The following TAMM41 variants were observed in gnomAD, a reference collection of about 807,000 sequenced individuals.
The protein encoded by TAMM41 is TAM41 mitochondrial translocator assembly and maintenance homolog, also known as phosphatidate cytidylyltransferase, mitochondrial.
In TAMM41, 36 loss-of-function variants were observed where a neutral mutation model predicts 44.1. The ratio of observed to expected loss-of-function variants is 0.82; its 90% CI spans 0.63 to 1.08. The LOEUF is 1.08. Ranked by LOEUF, TAMM41 falls within the 50% of genes least tolerant of loss-of-function variation. The pLI, the probability that TAMM41 is intolerant of heterozygous loss-of-function variation, is 0.00. For missense variants in TAMM41, 417 were observed against 404.3 expected (o/e 1.03, Z -0.27); for synonymous variants, 164 against 153.1 (o/e 1.07, Z -0.53).
intron 5 of TAMM41, chr3:11,810,093 C>A (rs1245668112): frequency 5.9e-6 from 1 of 169,248 alleles, no homozygotes; most frequent in Non-Finnish European, 1.2e-5. Flanking sequence ...ACTGGCGTGC[C>A]CTGATCACAT....
At chr3:11,776,811 A>G in the TAMM41 span, among the ~76,000 whole-genome samples, 1 of 152,218 alleles carries the variant, frequency 6.6e-6, no homozygotes, top group Admixed American at 6.5e-5. Context: ...TGCAAACATT[A>G]TTTCACCATA....
chr3:11,846,532 G>A lies in TAMM41; in HGVS notation c.105C>T (p.Tyr35=). ...GGTCTGAACTCGGCCCTGCCTGGCG[G>A]TACACCCCGGAGCCGTAGACGAAAG... ...SLAFVYGSGV[Y]RQAGPSSDQK... The change falls in exon 1 of 8, where the codon TAC becomes TAT. Residue 35 remains tyrosine (Y), a synonymous_variant. Coordinates refer to ENST00000455809, the MANE Select transcript of TAMM41 (RefSeq NM_001284401.2). 1 of 1,614,190 alleles carries A rather than the reference G, an allele frequency of 6.2e-7. No individual in the cohort carries two copies. The highest frequency in any genetic ancestry group is 8.5e-7 in the Non-Finnish European group (1 of 1,180,036).
chr3:11,786,012 G>A (rs548286344), downstream of TAMM41, among the ~76,000 whole-genome samples: 16 of 152,158 alleles, frequency 1.1e-4, no homozygotes, highest in East Asian at 3.1e-3. Context: ...ATCTAATGCT[G>A]TGTACAAGTC....
the TAMM41 span, among the ~76,000 whole-genome samples, chr3:11,785,215 G>A: frequency 6.6e-6 from 1 of 152,156 alleles, no homozygotes; most frequent in Admixed American, 6.5e-5. Flanking sequence ...AGGTTTTGCT[G>A]ATTGGAGACC....
the TAMM41 span, among the ~76,000 whole-genome samples, chr3:11,735,996 G>C: frequency 1.3e-5 from 2 of 152,150 alleles, no homozygotes; most frequent in Non-Finnish European, 2.9e-5. Flanking sequence ...TCATGCAGTA[G>C]CCAAAGCAAA....
intron 7 of TAMM41, among the ~76,000 whole-genome samples, chr3:11,793,687 A>G (rs4684812): frequency 0.58 from 88,032 of 152,090 alleles, 26,660 homozygotes; most frequent in East Asian, 0.77. Context: ...AACACGATGA[A>G]TCTCCCTATG....
At position 11,806,933 on chromosome 3, in the gene TAMM41, T is replaced by A. The variant is rs1253317458; in HGVS notation, c.937+900A>T. On this transcript the variant is annotated intron_variant, in intron 7 of 7. Transcript: ENST00000455809. ...TAGAAGTAAAAGATAAATGCAGCAA[T>A]GATCTCAAAATTTTAAAGGAAAGTG... 4.3e-4 allele frequency among the ~76,000 whole-genome samples: 65 copies of A among 152,312 alleles called. No individual in the cohort carries two copies. The East Asian group carries it at 0.012, about 28-fold the overall frequency.
the TAMM41 span, among the ~76,000 whole-genome samples, chr3:11,728,338 T>C: frequency 1.3e-5 from 2 of 152,182 alleles, no homozygotes; most frequent in Admixed American, 6.5e-5. Context: ...ATCATTCTAG[T>C]GGGTACTCAG....
the TAMM41 span, among the ~76,000 whole-genome samples, chr3:11,757,100 C>T: frequency 6.6e-6 from 1 of 152,242 alleles, no homozygotes; most frequent in African/African-American, 2.4e-5. Context: ...TCCCATTGTA[C>T]AGATAACTGA....
downstream of TAMM41, among the ~76,000 whole-genome samples, chr3:11,788,797 C>T (rs1194251583): frequency 1.3e-5 from 2 of 151,886 alleles, no homozygotes; most frequent in African/African-American, 2.4e-5. Flanking sequence ...ATTAGCTGGG[C>T]GTGGTGGCAG....
chr3:11,727,375 C>T, the TAMM41 span, among the ~76,000 whole-genome samples: 2 of 152,212 alleles, frequency 1.3e-5, no homozygotes, highest in Non-Finnish European at 2.9e-5. Context: ...CCCACCCAGA[C>T]CTGCTGAATT....
intron 4 of TAMM41, among the ~76,000 whole-genome samples, chr3:11,825,700 A>C (rs2078720419): frequency 6.6e-6 from 1 of 152,174 alleles, no homozygotes. Context: ...AGAGTGCCCG[A>C]AAGTGTTTTT....
chr3:11,749,182 G>A, the TAMM41 span, among the ~76,000 whole-genome samples: 1 of 152,100 alleles, frequency 6.6e-6, no homozygotes, highest in East Asian at 1.9e-4. Flanking sequence ...CAAAGTGCTG[G>A]GATTACAGGC....
chr3:11,845,957 C>T (rs2079665710), intron 1 of TAMM41, among the ~76,000 whole-genome samples: 1 of 152,232 alleles, frequency 6.6e-6, no homozygotes, highest in Admixed American at 6.5e-5. Flanking sequence ...TGCACCTGCC[C>T]TGGCCCTACA....
the TAMM41 span, among the ~76,000 whole-genome samples, chr3:11,737,344 G>C: frequency 1.4e-5 from 2 of 140,912 alleles, no homozygotes; most frequent in Non-Finnish European, 3.0e-5. Flanking sequence ...TTTTGAGACA[G>C]AGTTTCACTC....
chr3:11,731,049 C>T, the TAMM41 span, among the ~76,000 whole-genome samples: 1 of 152,062 alleles, frequency 6.6e-6, no homozygotes, highest in Non-Finnish European at 1.5e-5. Context: ...TGTGTGTATG[C>T]GTTAGAACAG....
At chr3:11,723,352 G>C in the TAMM41 span, among the ~76,000 whole-genome samples, 1 of 151,968 alleles carries the variant, frequency 6.6e-6, no homozygotes, top group Non-Finnish European at 1.5e-5. Flanking sequence ...GGCCAAGGCG[G>C]GTGCATTGCT....
the TAMM41 span, among the ~76,000 whole-genome samples, chr3:11,736,504 C>A: frequency 6.6e-5 from 10 of 152,310 alleles, no homozygotes; most frequent in Admixed American, 2.0e-4. Context: ...GACACAGTTT[C>A]TCATGGTTTC....
chr3:11,816,958 C>T (rs2078303975), intron 5 of TAMM41: 1 of 446,816 alleles, frequency 2.2e-6, no homozygotes, highest in East Asian at 3.1e-5. Flanking sequence ...ATGGTCAAAA[C>T]AAGTCCCTCT....
Sources: gnomAD v4.1 joint callset for allele counts (sites outside exome capture counted in the v4.1 genomes callset) on GRCh38, gnomAD v4.1.1 for gene constraint, MANE v1.5 for transcripts, NCBI Gene and HGNC (gene_info 2026-07-23, HGNC 2026-07-21) for gene names.